IQCJ: variants seen among roughly 807,000 people sequenced by gnomAD.
IQCJ encodes the protein IQ motif containing J.
In IQCJ, 9 loss-of-function variants were observed where a neutral mutation model predicts 11.0. The ratio of observed to expected loss-of-function variants is 0.82; its 90% CI spans 0.49 to 1.43. The LOEUF is 1.43. Ranked by LOEUF, IQCJ falls within the 40% of genes most tolerant of loss-of-function variation. The pLI, the probability that IQCJ is intolerant of heterozygous loss-of-function variation, is 0.00. For synonymous variants in IQCJ, 55 were observed against 51.3 expected (o/e 1.07, Z -0.31); for missense variants, 146 against 133.2 (o/e 1.10, Z -0.47).
intron 1 of IQCJ, among the ~76,000 whole-genome samples, chr3:159,078,828 C>T (rs907137444): frequency 4.6e-5 from 7 of 152,036 alleles, no homozygotes; most frequent in Admixed American, 3.9e-4. Context: ...ACTGTTTCCT[C>T]ATCTATAAAA....
chr3:159,137,531 C>T (rs1323327857), intron 1 of IQCJ, among the ~76,000 whole-genome samples: 1 of 152,078 alleles, frequency 6.6e-6, no homozygotes, highest in African/African-American at 2.4e-5. Context: ...GACAATGATC[C>T]TTTAAAAACA....
chr3:159,174,200 C>A (rs1354294380), intron 1 of IQCJ, among the ~76,000 whole-genome samples: 4 of 152,022 alleles, frequency 2.6e-5, no homozygotes, highest in Non-Finnish European at 4.4e-5. Flanking sequence ...GTTTCATACG[C>A]TCCTATGCTT....
intron 1 of IQCJ, among the ~76,000 whole-genome samples, chr3:159,231,131 G>A (rs1304315214): frequency 6.6e-6 from 1 of 152,138 alleles, no homozygotes; most frequent in Non-Finnish European, 1.5e-5. Flanking sequence ...TAGAATTAAT[G>A]GGAAAAAAGA....
chr3:159,255,280 A>G (rs1156352163), intron 3 of IQCJ, among the ~76,000 whole-genome samples: 1 of 152,120 alleles, frequency 6.6e-6, no homozygotes, highest in Non-Finnish European at 1.5e-5. Context: ...CTCCATGATG[A>G]GAAAAGAGTA....
At chr3:159,179,361 C>A (rs1013104534) in intron 1 of IQCJ, among the ~76,000 whole-genome samples, 1 of 152,134 alleles carries the variant, frequency 6.6e-6, no homozygotes, top group South Asian at 2.1e-4. Flanking sequence ...CTACTTACAG[C>A]AGCAGTGACC....
chr3:159,122,809 G>A (rs766372712), intron 1 of IQCJ, among the ~76,000 whole-genome samples: 1 of 152,212 alleles, frequency 6.6e-6, no homozygotes, highest in Admixed American at 6.5e-5. Context: ...TGGCAAAATG[G>A]CACTTTCACT....
intron 1 of IQCJ, among the ~76,000 whole-genome samples, chr3:159,187,030 A>G (rs1015603125): frequency 4.6e-5 from 7 of 152,232 alleles, no homozygotes; most frequent in African/African-American, 1.7e-4. Flanking sequence ...GATTTGCCTC[A>G]AAGTTTCTGC....
rs1269476755 is a variant in IQCJ at position 159,262,762 on chromosome 3, CTT to C, written c.*32_*33del. ...TAGACTTTGGTTCTAAGAGAGAAAT[CTT>C]GGGATGTGAGCAGGTGGTTTGTGAC... On this transcript the variant is annotated 3_prime_UTR_variant, in exon 4 of 4. Coordinates refer to ENST00000397832, the MANE Select transcript of IQCJ (RefSeq NM_001042706.3). The C allele has an allele frequency of 1.5e-5, 24 of 1,600,770 alleles. No individual in the cohort carries two copies. The highest frequency in any genetic ancestry group is 1.9e-5 in the Non-Finnish European group (22 of 1,170,880).
In IQCJ at chr3:159,243,802, G is replaced by T. The variant is rs556294847; in HGVS notation, c.10-2041G>T. On this transcript the variant is annotated intron_variant, in intron 1 of 3. Coordinates refer to ENST00000397832, the MANE Select transcript of IQCJ (RefSeq NM_001042706.3). Reference sequence around the variant, plus strand: ...ACCCAGGTACTACAAGACCACTCAGGTTATTATATGGAGAAGTGACTGATG... The same window carrying T: ...ACCCAGGTACTACAAGACCACTCAGTTTATTATATGGAGAAGTGACTGATG... Among the ~76,000 whole-genome samples the T allele has an allele frequency of 3.3e-5, 5 of 152,290 alleles. No individual in the cohort carries two copies. The South Asian group carries it at 1.0e-3, about 32-fold the overall frequency.
At chr3:159,205,616 C>G (rs1017654632) in intron 1 of IQCJ, among the ~76,000 whole-genome samples, 1 of 152,204 alleles carries the variant, frequency 6.6e-6, no homozygotes, top group African/African-American at 2.4e-5. Flanking sequence ...ACTCAAGGGC[C>G]TCAGCCAAAT....
chr3:159,122,789 A>G (rs989342622), intron 1 of IQCJ, among the ~76,000 whole-genome samples: 3 of 152,196 alleles, frequency 2.0e-5, no homozygotes, highest in African/African-American at 7.2e-5. Flanking sequence ...TTTGTCTTAC[A>G]GTCTTTGGGT....
chr3:159,209,842 C>T (rs1724857244), intron 1 of IQCJ, among the ~76,000 whole-genome samples: 1 of 152,206 alleles, frequency 6.6e-6, no homozygotes, highest in Non-Finnish European at 1.5e-5. Flanking sequence ...TCCTGTAGAG[C>T]ATTTGCAGGG....
chr3:159,243,712 A>G (rs1727073309), intron 1 of IQCJ, among the ~76,000 whole-genome samples: 1 of 152,150 alleles, frequency 6.6e-6, no homozygotes, highest in Non-Finnish European at 1.5e-5. Context: ...GATAAAACTC[A>G]CTGTATTGTA....
At chr3:159,075,143 T>C (rs960610200) in intron 1 of IQCJ, among the ~76,000 whole-genome samples, 5 of 152,164 alleles carry the variant, frequency 3.3e-5, no homozygotes, top group Non-Finnish European at 7.4e-5. Context: ...CTAAATAAGC[T>C]TTAGGTACAG....
chr3:159,203,383 G>A (rs1006175180), intron 1 of IQCJ, among the ~76,000 whole-genome samples: 2 of 151,204 alleles, frequency 1.3e-5, no homozygotes, highest in African/African-American at 4.9e-5. Context: ...GCAGTAATGG[G>A]GGCTGGATAT....
rs779805720 is a variant in IQCJ, at chr3:159,155,372, G to T, written c.9+85931G>T. On this transcript the variant is annotated intron_variant, in intron 1 of 3. Coordinates refer to ENST00000397832, the MANE Select transcript of IQCJ (RefSeq NM_001042706.3). ...GGGGTTTCACCATGTTGGCCAGGCT[G>T]GTCTCAAACTCCTGACCTCAAGTAA... 8.9e-4 allele frequency among the ~76,000 whole-genome samples: 135 copies of T among 152,252 alleles called. 1 individual carries two copies. Among genetic ancestry groups the T allele is most frequent in the Non-Finnish European group, 1.6e-3 (111 of 68,026 alleles).
chr3:159,148,323 T>C (rs73027688), intron 1 of IQCJ, among the ~76,000 whole-genome samples: 6,064 of 152,318 alleles, frequency 0.04, 414 homozygotes, highest in African/African-American at 0.14. Flanking sequence ...TTTCCCTTTG[T>C]CCTAATTTCC....
chr3:159,198,783 G>C (rs1486148081), intron 1 of IQCJ, among the ~76,000 whole-genome samples: 1 of 152,182 alleles, frequency 6.6e-6, no homozygotes, highest in African/African-American at 2.4e-5. Flanking sequence ...TCCAGGAACT[G>C]GGGGCTTCAC....
At chr3:159,167,690 G>A (rs904147599) in intron 1 of IQCJ, among the ~76,000 whole-genome samples, 4 of 152,170 alleles carry the variant, frequency 2.6e-5, no homozygotes, top group Non-Finnish European at 5.9e-5. Context: ...GTTTCTACCA[G>A]GTTACCAGCC....
Sources: gnomAD v4.1 joint callset for allele counts (sites outside exome capture counted in the v4.1 genomes callset) on GRCh38, gnomAD v4.1.1 for gene constraint, MANE v1.5 for transcripts, NCBI Gene and HGNC (gene_info 2026-07-23, HGNC 2026-07-21) for gene names.